The following SEC31A variants were observed in gnomAD, a reference collection of about 807,000 sequenced individuals.
SEC31A encodes SEC31 homolog A, COPII component, also known as protein transport protein Sec31A.
In SEC31A, 70 loss-of-function variants were observed where a neutral mutation model predicts 151.0. The ratio of observed to expected loss-of-function variants is 0.46; its 90% CI spans 0.38 to 0.57. The LOEUF is 0.57. Among genes scored for constraint, SEC31A ranks in the 20% least tolerant of loss-of-function variants. SEC31A has a pLI of 0.00. For synonymous variants in SEC31A, 475 were observed against 505.9 expected (o/e 0.94, Z 0.82); for missense variants, 1,330 against 1,471.2 (o/e 0.90, Z 1.57).
Position 82,891,076 on chromosome 4 carries a change from G to T in SEC31A, c.-5+12C>A. ...ACCGGCGAAGAGGACAAAAAGCAAC[G>T]GGCGGACGCACCTGGCGAGGACCTT... On this transcript the variant is annotated intron_variant, in intron 1 of 26. Coordinates refer to ENST00000395310, the MANE Select transcript of SEC31A (RefSeq NM_001077207.4). 1 of 1,535,876 alleles carries T rather than the reference G, an allele frequency of 6.5e-7. No individual in the cohort carries two copies. The highest frequency in any genetic ancestry group is 8.7e-7 in the Non-Finnish European group (1 of 1,146,744).
chr4:82,860,895 T>G (rs185031108), intron 14 of SEC31A, among the ~76,000 whole-genome samples: 46 of 152,180 alleles, frequency 3.0e-4, no homozygotes, highest in Admixed American at 9.8e-4. Context: ...TAGACTAAAT[T>G]TACTTATTTT....
intron 8 of SEC31A, among the ~76,000 whole-genome samples, chr4:82,867,793 C>T (rs1414838947): frequency 2.6e-5 from 4 of 152,166 alleles, no homozygotes; most frequent in Non-Finnish European, 5.9e-5. Flanking sequence ...TCATCATGCC[C>T]GGCTAATTTT....
chr4:82,852,629 G>A (rs536966709), intron 18 of SEC31A, among the ~76,000 whole-genome samples: 3 of 152,266 alleles, frequency 2.0e-5, no homozygotes, highest in Admixed American at 6.5e-5. Context: ...CACTGACTCT[G>A]TTGAGAAAAT....
At position 82,874,707 on chromosome 4, in the gene SEC31A, C is replaced by T. The variant is rs759096728; in HGVS notation, c.543G>A (p.Gln181=). The change falls in exon 6 of 27, where the codon CAG becomes CAA. Residue 181 remains glutamine (Q), a synonymous_variant. Transcript: ENST00000395310. ...TGGGACTGGCTGATGCTAAAATATGCTGAACTTGTCTGTTCCATGCAATGC... is the reference window on the plus strand; with the variant it reads ...TGGGACTGGCTGATGCTAAAATATGTTGAACTTGTCTGTTCCATGCAATGC... The part of the protein sequence containing the change: ...ISCIAWNRQV[Q]HILASASPSG... 1.9e-6 allele frequency: 3 copies of T among 1,613,040 alleles called. No individual in the cohort carries two copies. The Admixed American group carries it at 5.0e-5, about 27-fold the overall frequency.
chr4:82,820,010 C>T (rs1407547446), intron 26 of SEC31A, among the ~76,000 whole-genome samples: 1 of 152,212 alleles, frequency 6.6e-6, no homozygotes, highest in Non-Finnish European at 1.5e-5. Flanking sequence ...GATCTGCCCG[C>T]CTCAGCCTCC....
intron 1 of SEC31A, 196 bp downstream of exon 1, chr4:82,890,892 C>T: frequency 7.2e-7 from 1 of 1,393,064 alleles, no homozygotes; most frequent in South Asian, 1.6e-5. Context: ...CGGACGGGCG[C>T]GATCACTGGA....
chr4:82,865,968 A>C (rs951856189), intron 10 of SEC31A, among the ~76,000 whole-genome samples: 2 of 152,086 alleles, frequency 1.3e-5, no homozygotes, highest in African/African-American at 4.8e-5. Flanking sequence ...CATTTTTTAC[A>C]ATTAAAATTT....
At chr4:82,819,903 A>G (rs1439582028) in intron 26 of SEC31A, among the ~76,000 whole-genome samples, 1 of 152,036 alleles carries the variant, frequency 6.6e-6, no homozygotes, top group Non-Finnish European at 1.5e-5. Flanking sequence ...CTAGGACTAC[A>G]GCCGTGTGCC....
intron 22 of SEC31A, among the ~76,000 whole-genome samples, chr4:82,833,120 G>T (rs1726355974): frequency 6.6e-6 from 1 of 152,100 alleles, no homozygotes; most frequent in South Asian, 2.1e-4. Context: ...GTTTACTTTG[G>T]CACTATTCAC....
chr4:82,849,442 A>G (rs1228142160), intron 19 of SEC31A, among the ~76,000 whole-genome samples: 8 of 151,886 alleles, frequency 5.3e-5, no homozygotes, highest in Non-Finnish European at 5.9e-5. Flanking sequence ...GTGAAACCCC[A>G]TCTCTACTCA....
At position 82,841,442 on chromosome 4, in the gene SEC31A, T is replaced by TA. The variant is rs1728733052; in HGVS notation, c.2968+697_2968+698insT. Among the ~76,000 whole-genome samples the TA allele has an allele frequency of 7.2e-3, 461 of 64,434 alleles. 11 individuals are homozygous for TA. Among genetic ancestry groups the TA allele is most frequent in the African/African-American group, 0.016 (424 of 25,714 alleles). 42.3% of individuals were successfully genotyped at this position (64,434 alleles called of 152,430 possible). ...CATCTCAAAAAAGAAAAAAAAAATT[T>TA]TATATATATATATATATATATATAT... On this transcript the variant is annotated intron_variant, in intron 22 of 26. Transcript: ENST00000395310.
chr4:82,828,273 T>C (rs1267737580), intron 23 of SEC31A, among the ~76,000 whole-genome samples: 4 of 152,194 alleles, frequency 2.6e-5, no homozygotes, highest in Non-Finnish European at 4.4e-5. Flanking sequence ...CAAGTATGCA[T>C]GGGCGTGTAT....
chr4:82,869,296 A>AT (rs747027053), intron 8 of SEC31A, among the ~76,000 whole-genome samples: 3,974 of 128,598 alleles, frequency 0.031, 56 homozygotes, highest in Non-Finnish European at 0.04. Context: ...ATTTTTTTGT[A>AT]TTTTTTTTTT....
intron 7 of SEC31A, 152 bp from the exon 8 acceptor site, chr4:82,870,576 T>A: frequency 1.6e-6 from 1 of 608,780 alleles, no homozygotes; most frequent in Non-Finnish European, 2.9e-6. Flanking sequence ...CTCACACCTG[T>A]AATGCCAACT....
At chr4:82,852,723 A>T (rs929462750) in intron 18 of SEC31A, among the ~76,000 whole-genome samples, 1 of 152,220 alleles carries the variant, frequency 6.6e-6, no homozygotes, top group African/African-American at 2.4e-5. Context: ...TATCTAATAT[A>T]TAGTTAGTAC....
At chr4:82,848,776 C>T in intron 20 of SEC31A, 28 bp downstream of exon 20, 1 of 1,568,436 alleles carries the variant, frequency 6.4e-7, no homozygotes, top group Non-Finnish European at 8.6e-7. Flanking sequence ...CAAAAGTGTT[C>T]CTACTTCATC....
chr4:82,828,672 T>TAAAAAA (rs1725172438), intron 23 of SEC31A, among the ~76,000 whole-genome samples: 1 of 5,040 alleles, frequency 2.0e-4, no homozygotes, highest in African/African-American at 7.1e-4. Context: ...CCAAAGTAAC[T>TAAAAAA]CAAAAAAAAA....
chr4:82,851,918 G>C (rs1731533224), intron 18 of SEC31A, among the ~76,000 whole-genome samples: 1 of 152,186 alleles, frequency 6.6e-6, no homozygotes, highest in African/African-American at 2.4e-5. Context: ...GATGTCTAAA[G>C]GTAGAAACTG....
At chr4:82,871,583 C>T (rs1299931822) in intron 7 of SEC31A, 1 of 608,460 alleles carries the variant, frequency 1.6e-6, no homozygotes, top group Non-Finnish European at 2.9e-6. Context: ...TGAGACCAGC[C>T]TGGCCAACAT....
Sources: allele counts gnomAD v4.1 joint callset (sites outside exome capture counted in the v4.1 genomes callset), GRCh38; gene constraint gnomAD v4.1.1; transcripts MANE v1.5; gene names NCBI Gene and HGNC (gene_info 2026-07-23, HGNC 2026-07-21).